Variants in ADGRG5 observed in about 807,000 individuals in gnomAD.
ADGRG5 encodes the protein G protein-coupled receptor 114.
A neutral mutation model predicts 53.2 loss-of-function variants in ADGRG5; 37 were observed. The ratio of observed to expected loss-of-function variants is 0.70; its 90% CI spans 0.53 to 0.91. ADGRG5 has a LOEUF of 0.91. Ranked by LOEUF, ADGRG5 falls within the 40% of genes least tolerant of loss-of-function variation. The pLI is 0.00. For missense variants in ADGRG5, 614 were observed against 675.8 expected (o/e 0.91, Z 1.01); for synonymous variants, 277 against 290.4 (o/e 0.95, Z 0.47).
chr16:57,545,025 G>C (rs2032583290), intron 1 of ADGRG5, among the ~76,000 whole-genome samples: 1 of 152,014 alleles, frequency 6.6e-6, no homozygotes, highest in Admixed American at 6.6e-5. Flanking sequence ...TGATCCTCCT[G>C]CTTCAGCCTC....
chr16:57,556,872 C>G (rs1316430239), intron 1 of ADGRG5, among the ~76,000 whole-genome samples: 1 of 150,890 alleles, frequency 6.6e-6, no homozygotes, highest in African/African-American at 2.4e-5. Context: ...TCTCAAACTC[C>G]TTGCTCATCT....
Position 57,564,041 on chromosome 16 carries a change from T to A in ADGRG5, c.429+62T>A, listed in dbSNP as rs895979724. On this transcript the variant is annotated intron_variant, in intron 5 of 11. Coordinates refer to ENST00000349457, the MANE Select transcript of ADGRG5 (RefSeq NM_001304376.3). Reference sequence around the variant, plus strand: ...GCCCCTTCTTGGGATCCACTGCAGGTGCCCATGTCACTGCCTGGCCTCTGG... The same window carrying A: ...GCCCCTTCTTGGGATCCACTGCAGGAGCCCATGTCACTGCCTGGCCTCTGG... 12 of 1,560,018 alleles carry A rather than the reference T, an allele frequency of 7.7e-6. No homozygotes were observed. The African/African-American group carries it at 1.6e-4, about 21-fold the overall frequency.
chr16:57,558,681 C>T (rs1470445783), intron 1 of ADGRG5, among the ~76,000 whole-genome samples: 8 of 152,130 alleles, frequency 5.3e-5, no homozygotes, highest in Admixed American at 5.2e-4. Flanking sequence ...CCCCTTCATC[C>T]CCATGGGAAC....
At position 57,563,206 on chromosome 16, in the gene ADGRG5, G is replaced by A; in HGVS notation, c.256G>A (p.Gly86Ser). Residue 86 changes from glycine (G) to serine (S), a missense_variant, in exon 4 of 12, where the codon GGC becomes AGC. Coordinates refer to ENST00000349457, the MANE Select transcript of ADGRG5 (RefSeq NM_001304376.3). ...LAFKLSCDFSGLSLTSATLKR... is the reference protein window; with the variant it reads ...LAFKLSCDFSSLSLTSATLKR... The stretch of plus-strand genomic sequence containing the variant: ...CTTCAAGCTGAGCTGTGACTTCTCT[G>A]GCCTCTCGCTGACCAGTGCCACTCT... The A allele has an allele frequency of 6.2e-7, 1 of 1,614,140 alleles. No individual in the cohort carries two copies. The highest frequency in any genetic ancestry group is 8.5e-7 in the Non-Finnish European group (1 of 1,179,998).
chr16:57,535,878 G>C, the ADGRG5 span, among the ~76,000 whole-genome samples: 2 of 152,110 alleles, frequency 1.3e-5, no homozygotes, highest in African/African-American at 4.8e-5. Flanking sequence ...TGGGAGAGCG[G>C]GGGTGGGAAG....
chr16:57,539,453 CCTTTTT>C (rs2032457780), upstream of ADGRG5, among the ~76,000 whole-genome samples: 1 of 108,778 alleles, frequency 9.2e-6, no homozygotes, highest in Non-Finnish European at 2.2e-5. Flanking sequence ...GCACTGTACC[CCTTTTT>C]TTTTTTTTTT....
intron 1 of ADGRG5, among the ~76,000 whole-genome samples, chr16:57,554,655 T>C (rs146357439): frequency 0.016 from 2,425 of 152,256 alleles, 80 homozygotes; most frequent in African/African-American, 0.054. Context: ...GGATTACAGG[T>C]GTGAGCCACC....
At chr16:57,539,029 T>C (rs1330198858), upstream of ADGRG5, among the ~76,000 whole-genome samples, 1 of 152,250 alleles carries the variant, frequency 6.6e-6, no homozygotes, top group Non-Finnish European at 1.5e-5. Context: ...TACACCCATG[T>C]TGATTGTAGC....
At chr16:57,539,824 A>G (rs979633074), upstream of ADGRG5, among the ~76,000 whole-genome samples, 3 of 140,560 alleles carry the variant, frequency 2.1e-5, no homozygotes, top group African/African-American at 9.8e-5. Flanking sequence ...GTGCGTGTAT[A>G]TATATATATA....
upstream of ADGRG5, among the ~76,000 whole-genome samples, chr16:57,541,900 T>C (rs8050345): frequency 0.53 from 80,921 of 152,102 alleles, 23,192 homozygotes; most frequent in African/African-American, 0.74. Context: ...TCCAGCCTCA[T>C]GTTTTCTGGG....
At chr16:57,555,749 T>C (rs148222680) in intron 1 of ADGRG5, among the ~76,000 whole-genome samples, 1 of 152,326 alleles carries the variant, frequency 6.6e-6, no homozygotes, top group African/African-American at 2.4e-5. Flanking sequence ...TTTTCAGATA[T>C]TAATATAGCT....
intron 1 of ADGRG5, among the ~76,000 whole-genome samples, chr16:57,560,116 C>A (rs544947182): frequency 6.6e-6 from 1 of 152,298 alleles, no homozygotes; most frequent in Admixed American, 6.5e-5. Flanking sequence ...GACCTCCCTC[C>A]CAGGGCATTC....
At chr16:57,538,732 G>A (rs1028873356), upstream of ADGRG5, among the ~76,000 whole-genome samples, 5 of 152,176 alleles carry the variant, frequency 3.3e-5, no homozygotes, top group African/African-American at 4.8e-5. Flanking sequence ...TTTTTGAGGC[G>A]TGTGTCAATA....
intron 7 of ADGRG5, 122 bp from the exon 8 acceptor site, chr16:57,567,348 T>C: frequency 9.0e-7 from 1 of 1,106,124 alleles, no homozygotes; most frequent in Non-Finnish European, 1.3e-6. Context: ...TCAAGCCAGG[T>C]CCATGGCTAG....
At chr16:57,539,695 C>A (rs2032462419), upstream of ADGRG5, among the ~76,000 whole-genome samples, 1 of 151,802 alleles carries the variant, frequency 6.6e-6, no homozygotes, top group African/African-American at 2.4e-5. Context: ...TCAAGTAGTC[C>A]TACCACTAGG....
intron 3 of ADGRG5, 131 bp from the exon 4 acceptor site, chr16:57,562,960 G>T (rs1173734468): frequency 2.6e-6 from 2 of 773,668 alleles, no homozygotes; most frequent in African/African-American, 3.4e-5. Flanking sequence ...CACTGTGTGT[G>T]CAGTGGTCTG....
At chr16:57,568,589 CCAT>C (rs1347925947) in intron 9 of ADGRG5, among the ~76,000 whole-genome samples, 1 of 151,668 alleles carries the variant, frequency 6.6e-6, no homozygotes, top group Non-Finnish European at 1.5e-5. Context: ...ACCTCCTCCA[CCAT>C]CATCACCATC....
intron 1 of ADGRG5, among the ~76,000 whole-genome samples, chr16:57,555,910 T>C (rs1291449741): frequency 6.6e-6 from 1 of 152,118 alleles, no homozygotes; most frequent in African/African-American, 2.4e-5. Context: ...TGATAGTGAG[T>C]GAGTTCTCAG....
At chr16:57,555,387 T>A (rs2032859657) in intron 1 of ADGRG5, among the ~76,000 whole-genome samples, 1 of 152,136 alleles carries the variant, frequency 6.6e-6, no homozygotes, top group South Asian at 2.1e-4. Context: ...GCATCTGGTT[T>A]TTCCCCTGCT....
Sources: gnomAD v4.1 joint callset for allele counts (sites outside exome capture counted in the v4.1 genomes callset) on GRCh38, gnomAD v4.1.1 for gene constraint, MANE v1.5 for transcripts, NCBI Gene and HGNC (gene_info 2026-07-23, HGNC 2026-07-21) for gene names.